The following CRPPA variants were observed in gnomAD, a reference collection of about 807,000 sequenced individuals.
The protein encoded by CRPPA is D-ribitol-5-phosphate cytidylyltransferase.
In CRPPA, 43 loss-of-function variants were observed where a neutral mutation model predicts 52.0. The ratio of observed to expected loss-of-function variants is 0.83; its 90% CI spans 0.65 to 1.07. The LOEUF is 1.07. Among genes scored for constraint, CRPPA ranks in the 50% least tolerant of loss-of-function variants. The pLI is 0.00. For synonymous variants in CRPPA, 250 were observed against 203.5 expected, an observed-to-expected ratio of 1.23 and a Z score of -1.94; for missense variants, 629 against 551.7, an observed-to-expected ratio of 1.14 and a Z score of -1.40.
chr7:16,111,431 A>C (rs1782262386), intron 9 of CRPPA, among the ~76,000 whole-genome samples: 1 of 152,212 alleles, frequency 6.6e-6, no homozygotes, highest in Non-Finnish European at 1.5e-5. Flanking sequence ...TATCTACCAA[A>C]AGATTTAAAA....
At position 16,372,192 on chromosome 7, in the gene CRPPA, A is replaced by G. The variant is rs150502116; in HGVS notation, c.684+3900T>C. Among the ~76,000 whole-genome samples, 377 of 152,326 alleles carry G rather than the reference A, an allele frequency of 2.5e-3. 3 individuals carry two copies. Among genetic ancestry groups the G allele is most frequent in the African/African-American group, 8.6e-3 (356 of 41,578 alleles). ...CTAGACATCCAAATACAAGCAGCTC[A>G]AAAAACTCCTGGGAAATTCATTGCA... On this transcript the variant is annotated intron_variant, in intron 3 of 9. Coordinates refer to ENST00000407010, the MANE Select transcript of CRPPA (RefSeq NM_001101426.4).
chr7:16,335,168 AAAAAAAAAAAGGAAAAAGAAT>A (rs1785649269), intron 3 of CRPPA, among the ~76,000 whole-genome samples: 1 of 115,306 alleles, frequency 8.7e-6, no homozygotes, highest in Non-Finnish European at 1.9e-5. Flanking sequence ...AAAAAAAAAA[AAAAAAAAAAAGGAAAAAGAAT>A]AAAAAAAAAA....
intron 9 of CRPPA, among the ~76,000 whole-genome samples, chr7:16,170,918 G>A (rs778783389): frequency 5.3e-5 from 8 of 152,324 alleles, no homozygotes; most frequent in East Asian, 3.9e-4. Flanking sequence ...GCCTGCGAGC[G>A]CCCCGCTTAG....
At chr7:16,356,744 T>C (rs1786305753) in intron 3 of CRPPA, among the ~76,000 whole-genome samples, 1 of 152,224 alleles carries the variant, frequency 6.6e-6, no homozygotes, top group Non-Finnish European at 1.5e-5. Context: ...TTCATCATAG[T>C]TATTTTAAAC....
intron 9 of CRPPA, among the ~76,000 whole-genome samples, chr7:16,151,441 G>T (rs1312176750): frequency 6.6e-6 from 1 of 151,998 alleles, no homozygotes; most frequent in Non-Finnish European, 1.5e-5. Context: ...GTAAACAAAG[G>T]CACTCTGTTC....
chr7:16,292,164 C>T (rs763737138), intron 5 of CRPPA, among the ~76,000 whole-genome samples: 3 of 151,930 alleles, frequency 2.0e-5, no homozygotes, highest in African/African-American at 4.8e-5. Context: ...ACAATACTCT[C>T]TTAACCGTAC....
At chr7:16,405,510 A>G (rs975692674) in intron 2 of CRPPA, among the ~76,000 whole-genome samples, 3 of 152,124 alleles carry the variant, frequency 2.0e-5, no homozygotes, top group Admixed American at 1.3e-4. Flanking sequence ...TACCATATTT[A>G]TATAATTTTA....
At chr7:16,364,370 G>T (rs555424050) in intron 3 of CRPPA, among the ~76,000 whole-genome samples, 69 of 152,254 alleles carry the variant, frequency 4.5e-4, no homozygotes, top group Non-Finnish European at 7.4e-4. Flanking sequence ...CAAACCCAAG[G>T]TTGCACTGTA....
At chr7:16,125,247 G>A (rs1168114513) in intron 9 of CRPPA, among the ~76,000 whole-genome samples, 1 of 131,394 alleles carries the variant, frequency 7.6e-6, no homozygotes, top group Admixed American at 7.8e-5. Context: ...GTGACAGATG[G>A]AGACTGTCTC....
chr7:16,401,415 T>C (rs1787814977), intron 2 of CRPPA, among the ~76,000 whole-genome samples: 2 of 152,176 alleles, frequency 1.3e-5, no homozygotes, highest in Non-Finnish European at 2.9e-5. Flanking sequence ...ATTTATAACA[T>C]AAATTAGGGG....
At position 16,174,644 on chromosome 7, in the gene CRPPA, AT is replaced by A. The variant is rs77293398; in HGVS notation, c.1251+41421del. Among the ~76,000 whole-genome samples, 682 of 149,814 alleles carry A rather than the reference AT, an allele frequency of 4.6e-3. 5 individuals are homozygous for A. Among genetic ancestry groups the A allele is most frequent in the African/African-American group, 0.016 (654 of 41,068 alleles). The stretch of plus-strand genomic sequence containing the variant: ...GAATTAGAGGAAGTACCCAGTTCTA[AT>A]TTTTTTTTTGGCAGAAAGTACCTAA... On this transcript the variant is annotated intron_variant, in intron 9 of 9. Coordinates refer to ENST00000407010, the MANE Select transcript of CRPPA (RefSeq NM_001101426.4).
At chr7:16,387,069 A>G (rs1158646559) in intron 2 of CRPPA, among the ~76,000 whole-genome samples, 1 of 65,636 alleles carries the variant, frequency 1.5e-5, no homozygotes, top group Admixed American at 1.5e-4. Flanking sequence ...ATATATATAT[A>G]TATATATATA....
intron 8 of CRPPA, among the ~76,000 whole-genome samples, chr7:16,222,965 TCTAA>T (rs1782561407): frequency 1.3e-5 from 2 of 152,168 alleles, no homozygotes; most frequent in Non-Finnish European, 1.5e-5. Flanking sequence ...AGTCCTCTTT[TCTAA>T]CTATTTTTAA....
intron 5 of CRPPA, among the ~76,000 whole-genome samples, chr7:16,282,135 G>T (rs578257869): frequency 3.9e-5 from 6 of 151,908 alleles, no homozygotes; most frequent in African/African-American, 1.2e-4. Context: ...TGTTTAAGTT[G>T]CTGACTCTCT....
At chr7:16,400,828 A>T (rs921686934) in intron 2 of CRPPA, among the ~76,000 whole-genome samples, 2 of 152,252 alleles carry the variant, frequency 1.3e-5, no homozygotes, top group Non-Finnish European at 2.9e-5. Flanking sequence ...TGTGACATTT[A>T]TAAAAGTTAT....
At chr7:16,414,077 A>C (rs556891265) in intron 1 of CRPPA, among the ~76,000 whole-genome samples, 20 of 152,282 alleles carry the variant, frequency 1.3e-4, no homozygotes, top group African/African-American at 4.6e-4. Flanking sequence ...GGGGAGGCCG[A>C]GTTATAACAA....
intron 8 of CRPPA, among the ~76,000 whole-genome samples, chr7:16,250,215 G>A (rs1406722733): frequency 2.6e-5 from 4 of 152,158 alleles, no homozygotes; most frequent in South Asian, 2.1e-4. Flanking sequence ...CAAGAAATAC[G>A]AGACTATGTG....
chr7:16,308,032 C>A (rs892734301), intron 4 of CRPPA, among the ~76,000 whole-genome samples: 12 of 151,710 alleles, frequency 7.9e-5, no homozygotes, highest in African/African-American at 2.9e-4. Context: ...GTGACTGGAT[C>A]GTGGGGGCAG....
At chr7:16,420,969 T>G (rs943516798) in intron 1 of CRPPA, 97 bp downstream of exon 1, 2 of 1,058,342 alleles carry the variant, frequency 1.9e-6, no homozygotes, top group Non-Finnish European at 2.5e-6. Flanking sequence ...GGCCCGGCAG[T>G]CCCCCAAGTG....
Sources: allele counts gnomAD v4.1 joint callset (sites outside exome capture counted in the v4.1 genomes callset), GRCh38; gene constraint gnomAD v4.1.1; transcripts MANE v1.5; gene names NCBI Gene and HGNC (gene_info 2026-07-23, HGNC 2026-07-21).